PAK1: variants seen among roughly 807,000 people sequenced by gnomAD.
The protein encoded by PAK1 is p21 (RAC1) activated kinase 1, also known as serine/threonine-protein kinase PAK 1.
A neutral mutation model predicts 67.4 loss-of-function variants in PAK1; 29 were observed. The ratio of observed to expected loss-of-function variants is 0.43; its 90% CI spans 0.32 to 0.59. PAK1 has a LOEUF of 0.59. PAK1 is among the 20% of genes least tolerant of loss of function. PAK1 has a pLI of 0.07. For synonymous variants in PAK1, 223 were observed against 237.4 expected (o/e 0.94, Z 0.56); for missense variants, 337 against 670.7 (o/e 0.50, Z 5.50).
intron 1 of PAK1, among the ~76,000 whole-genome samples, chr11:77,423,104 A>C (rs774293464): frequency 7.2e-5 from 11 of 152,066 alleles, no homozygotes; most frequent in Non-Finnish European, 1.5e-4. Context: ...TACAAACAAG[A>C]AGCATACTAG....
chr11:77,476,287 A>G (rs949636231), upstream of PAK1: 1 of 152,246 alleles, frequency 6.6e-6, no homozygotes, highest in East Asian at 1.9e-4. Flanking sequence ...TACTGTTGTT[A>G]TCCTCACCCA....
intron 9 of PAK1, 88 bp from the exon 10 acceptor site, chr11:77,344,019 A>C: frequency 1.2e-6 from 1 of 828,158 alleles, no homozygotes; most frequent in South Asian, 1.4e-5. Context: ...GTACTCAGGA[A>C]ACAAAGATGA....
chr11:77,527,514 T>C, the PAK1 span, among the ~76,000 whole-genome samples: 1 of 152,208 alleles, frequency 6.6e-6, no homozygotes, highest in East Asian at 1.9e-4. Context: ...GTTATCCCTA[T>C]TTATGAGTGA....
intron 1 of PAK1, among the ~76,000 whole-genome samples, chr11:77,449,210 C>T (rs1383008272): frequency 6.6e-6 from 1 of 152,154 alleles, no homozygotes; most frequent in Non-Finnish European, 1.5e-5. Context: ...GTGCTTCCAC[C>T]ACTTCCTGAG....
chr11:77,352,302 T>A (rs1945360698), intron 8 of PAK1, among the ~76,000 whole-genome samples: 1 of 152,184 alleles, frequency 6.6e-6, no homozygotes, highest in African/African-American at 2.4e-5. Flanking sequence ...ATAAATCAAA[T>A]GAGACAGTAT....
intron 1 of PAK1, among the ~76,000 whole-genome samples, chr11:77,440,624 A>T (rs541877256): frequency 6.6e-6 from 1 of 152,318 alleles, no homozygotes; most frequent in South Asian, 2.1e-4. Context: ...TTTCTACTAA[A>T]CCATTAATTT....
At chr11:77,416,207 A>G (rs1954943518) in intron 1 of PAK1, among the ~76,000 whole-genome samples, 1 of 152,080 alleles carries the variant, frequency 6.6e-6, no homozygotes, top group South Asian at 2.1e-4. Flanking sequence ...TCCAGCTCCT[A>G]AGCTCAAGCT....
the PAK1 span, among the ~76,000 whole-genome samples, chr11:77,515,569 G>A: frequency 8.5e-5 from 13 of 152,088 alleles, no homozygotes; most frequent in East Asian, 5.8e-4. Context: ...TCTCATTCTC[G>A]GATTTCTTAT....
At chr11:77,474,435 C>A (rs1415369869), upstream of PAK1, 12 of 152,306 alleles carry the variant, frequency 7.9e-5, 1 homozygote, top group Middle Eastern at 6.8e-3. Context: ...GTTCTCGGTC[C>A]GCTGTCCGTG....
chr11:77,414,506 T>C (rs2852390), intron 1 of PAK1, among the ~76,000 whole-genome samples: 1 of 152,150 alleles, frequency 6.6e-6, no homozygotes, highest in African/African-American at 2.4e-5. Context: ...ACTGACTTGC[T>C]ATAAAGCTAC....
At chr11:77,429,056 T>TAAAAAAAAAAAACAAAAAAA (rs1955716686) in intron 1 of PAK1, among the ~76,000 whole-genome samples, 1 of 49,000 alleles carries the variant, frequency 2.0e-5, no homozygotes, top group Non-Finnish European at 3.2e-5. Context: ...CATTTAATAC[T>TAAAAAAAAAAAACAAAAAAA]AAAAAAAAAA....
intron 14 of PAK1, among the ~76,000 whole-genome samples, chr11:77,331,459 A>G (rs542277592): frequency 4.1e-4 from 62 of 152,364 alleles, no homozygotes; most frequent in African/African-American, 1.4e-3. Flanking sequence ...GCAGCCATAA[A>G]AAATGATGAG....
At chr11:77,509,569 A>G in the PAK1 span, among the ~76,000 whole-genome samples, 1 of 152,064 alleles carries the variant, frequency 6.6e-6, no homozygotes, top group Non-Finnish European at 1.5e-5. Flanking sequence ...TATAGTTTGG[A>G]TATTTGTCCC....
At chr11:77,519,693 T>C in the PAK1 span, among the ~76,000 whole-genome samples, 3 of 152,226 alleles carry the variant, frequency 2.0e-5, no homozygotes, top group African/African-American at 4.8e-5. Flanking sequence ...GTAAAGAACT[T>C]TTCCTTATCA....
chr11:77,405,246 A>G (rs1052732348), intron 1 of PAK1, among the ~76,000 whole-genome samples: 8 of 152,238 alleles, frequency 5.3e-5, no homozygotes, highest in Admixed American at 2.0e-4. Flanking sequence ...AGATGTAACC[A>G]GAGGTCAGAC....
At chr11:77,358,754 G>T in intron 6 of PAK1, 144 bp downstream of exon 6, 1 of 763,320 alleles carries the variant, frequency 1.3e-6, no homozygotes, top group Non-Finnish European at 2.2e-6. Flanking sequence ...AGTACCTTTA[G>T]TCAAGGTAGT....
the PAK1 span, among the ~76,000 whole-genome samples, chr11:77,502,002 C>A: frequency 6.6e-6 from 1 of 151,948 alleles, no homozygotes; most frequent in Non-Finnish European, 1.5e-5. Flanking sequence ...TCTGCTGACA[C>A]CTGTGCCTGC....
the PAK1 span, among the ~76,000 whole-genome samples, chr11:77,529,332 C>G: frequency 7.2e-5 from 11 of 152,102 alleles, no homozygotes; most frequent in Admixed American, 3.3e-4. Context: ...GCTGCAATCT[C>G]TAAATAATTC....
At chr11:77,516,772 G>T in the PAK1 span, among the ~76,000 whole-genome samples, 1 of 150,326 alleles carries the variant, frequency 6.7e-6, no homozygotes, top group Non-Finnish European at 1.5e-5. Context: ...AGAGGCTGAG[G>T]TGAGGGGATC....
Sources: allele counts gnomAD v4.1 joint callset (sites outside exome capture counted in the v4.1 genomes callset), GRCh38; gene constraint gnomAD v4.1.1; transcripts MANE v1.5; gene names NCBI Gene and HGNC (gene_info 2026-07-23, HGNC 2026-07-21).